The following CLSTN3 variants were observed in gnomAD, a reference collection of about 807,000 sequenced individuals.
The protein encoded by CLSTN3 is calsyntenin 3.
In CLSTN3, 36 loss-of-function variants were observed where a neutral mutation model predicts 95.9. The ratio of observed to expected loss-of-function variants is 0.38; its 90% confidence interval spans 0.29 to 0.50. CLSTN3 has a LOEUF of 0.50. CLSTN3 is among the 20% of genes least tolerant of loss of function. The pLI, the probability that CLSTN3 is intolerant of heterozygous loss-of-function variation, is 0.95. For synonymous variants in CLSTN3, 481 were observed against 504.0 expected, an observed-to-expected ratio of 0.95 and a Z score of 0.61; for missense variants, 1,084 against 1,268.8, an observed-to-expected ratio of 0.85 and a Z score of 2.21.
intron 3 of CLSTN3, 81 bp from the exon 4 acceptor site, chr12:7,135,246 C>T (rs1434950114): frequency 3.0e-6 from 4 of 1,335,298 alleles, no homozygotes; most frequent in Non-Finnish European, 4.3e-6. Context: ...CCTCGGTGTG[C>T]TGTATCAAGG....
intron 12 of CLSTN3, 64 bp downstream of exon 12, chr12:7,143,375 C>A: frequency 6.5e-7 from 1 of 1,543,906 alleles, no homozygotes; most frequent in Non-Finnish European, 8.8e-7. Flanking sequence ...AGCTCCTTGG[C>A]CTAAGGCGTC....
intron 4 of CLSTN3, 107 bp from the exon 5 acceptor site, chr12:7,135,697 T>TCCTGCTGCCTAACCTG (rs1939399291): frequency 7.0e-7 from 1 of 1,437,568 alleles, no homozygotes; most frequent in Non-Finnish European, 9.5e-7. Flanking sequence ...TTTCCCAGCG[T>TCCTGCTGCCTAACCTG]CCTGCTGCCT....
chr12:7,158,265 C>G lies in CLSTN3; in HGVS notation c.*184C>G. 3 of 646,890 alleles carry G rather than the reference C, an allele frequency of 4.6e-6. No homozygotes were observed. Among genetic ancestry groups the G allele is most frequent in the Non-Finnish European group, 7.5e-6 (3 of 397,792 alleles). 40.1% of individuals were successfully genotyped at this position (646,890 alleles called of 1,614,324 possible). On this transcript the variant is annotated 3_prime_UTR_variant, in exon 18 of 18. Coordinates refer to ENST00000266546, the MANE Select transcript of CLSTN3 (RefSeq NM_014718.4). ...GTCCGCCCTGCCCCTCCCCCGGCCC[C>G]CCATCCCTCACTTCTGGGCTGTCAT...
At chr12:7,156,292 G>T (rs1282733504) in intron 16 of CLSTN3, 10 of 456,906 alleles carry the variant, frequency 2.2e-5, no homozygotes, top group Admixed American at 1.9e-4. Context: ...TGCTGTCCCT[G>T]GGGCTGCGGG....
Position 7,149,213 on chromosome 12 carries a change from G to A in CLSTN3, c.2074+15G>A, listed in dbSNP as rs768696829. 4.7e-5 allele frequency: 75 copies of A among 1,604,050 alleles called. No individual in the cohort carries two copies. Among genetic ancestry groups the A allele is most frequent in the East Asian group, 1.6e-4 (7 of 44,744 alleles). Reference sequence around the variant, plus strand: ...GCAGGGCACAGGTAAGGACGACTTCGGGGAGTAACACCATCCAGAGAACCA... The same window carrying A: ...GCAGGGCACAGGTAAGGACGACTTCAGGGAGTAACACCATCCAGAGAACCA... On this transcript the variant is annotated intron_variant, in intron 13 of 17. Coordinates refer to ENST00000266546, the MANE Select transcript of CLSTN3 (RefSeq NM_014718.4). This position sits in a 1 kb window ranked among gnomAD's most constrained non-coding sequence, Gnocchi z 4.5.
In CLSTN3 at chr12:7,133,953, C is replaced by T. The variant is rs1350653586; in HGVS notation, c.383+185C>T. 2.4e-5 allele frequency: 13 copies of T among 547,108 alleles called. No individual in the cohort carries two copies. Among genetic ancestry groups the T allele is most frequent in the Admixed American group, 1.4e-4 (4 of 27,718 alleles). The allele number at this position is 547,108 out of a possible 1,614,324, so 33.9% of individuals were successfully genotyped here. On this transcript the variant is annotated intron_variant, in intron 3 of 17. Coordinates refer to ENST00000266546, the MANE Select transcript of CLSTN3 (RefSeq NM_014718.4). This position sits in a 1 kb window ranked among gnomAD's most constrained non-coding sequence, Gnocchi z 4.7. ...GGACTTTCAGGCAAGGTGACAGAAA[C>T]GTATAGTAGAGTTCAGTGGATCTAA...
At chr12:7,151,376 T>C (rs781228451) in intron 16 of CLSTN3, among the ~76,000 whole-genome samples, 15 of 152,194 alleles carry the variant, frequency 9.9e-5, no homozygotes, top group Admixed American at 9.8e-4. Context: ...CCAAGCAATA[T>C]CAAATTAGCC....
At chr12:7,145,457 C>G (rs1421043805) in intron 12 of CLSTN3, among the ~76,000 whole-genome samples, 1 of 152,040 alleles carries the variant, frequency 6.6e-6, no homozygotes, top group Non-Finnish European at 1.5e-5. Flanking sequence ...GCCCCTGTCC[C>G]TGTGGCTTTC....
At chr12:7,144,776 C>T (rs1453209123) in intron 12 of CLSTN3, among the ~76,000 whole-genome samples, 1 of 152,120 alleles carries the variant, frequency 6.6e-6, no homozygotes, top group Admixed American at 6.5e-5. Flanking sequence ...GGAGAGGGCT[C>T]TGAGCCCTAG....
At chr12:7,129,906 T>G, upstream of CLSTN3, 1 of 705,978 alleles carries the variant, frequency 1.4e-6, no homozygotes, top group Non-Finnish European at 1.7e-6. The surrounding 1 kb of genome is among the most constrained non-coding windows in gnomAD (Gnocchi z 5.5). Flanking sequence ...GACCGCCCTG[T>G]GGCTTCCTCG....
chr12:7,145,375 G>A (rs1939607235), intron 12 of CLSTN3, among the ~76,000 whole-genome samples: 1 of 151,642 alleles, frequency 6.6e-6, no homozygotes, highest in South Asian at 2.1e-4. Flanking sequence ...GTGTGTGCGC[G>A]CGCATTTGTG....
At chr12:7,129,643 T>G (rs1471762616), upstream of CLSTN3, 1 of 985,354 alleles carries the variant, frequency 1.0e-6, no homozygotes. The surrounding 1 kb of genome is among the most constrained non-coding windows in gnomAD (Gnocchi z 5.5). Context: ...GATGTATTTC[T>G]GTGAAGGTGG....
intron 12 of CLSTN3, among the ~76,000 whole-genome samples, chr12:7,147,259 G>A (rs1311030650): frequency 6.6e-6 from 1 of 151,658 alleles, no homozygotes; most frequent in African/African-American, 2.4e-5. Context: ...CTTGGGCGGT[G>A]TGTGGTGGCG....
Position 7,135,330 on chromosome 12 carries a change from C to A in CLSTN3, c.387C>A (p.Ala129=). Residue 129 remains alanine, a synonymous_variant, in exon 4 of 18, where the codon GCC becomes GCA. Transcript: ENST00000266546. ...TCCTTCTCTCTGGCATATGCAGGGC[C>A]ACTGTGCATGTGCGGGTCAACGATG... The part of the protein sequence containing the change: ...DGANTKKSHK[A]TVHVRVNDVN... 1 of 1,614,024 alleles carries A rather than the reference C, an allele frequency of 6.2e-7. No individual in the cohort carries two copies. The highest frequency in any genetic ancestry group is 8.5e-7 in the Non-Finnish European group (1 of 1,179,924).
In CLSTN3 at chr12:7,133,248, A is replaced by G. The variant is rs1280036950; in HGVS notation, c.187+102A>G. 1 of 1,464,100 alleles carries G rather than the reference A, an allele frequency of 6.8e-7. No individual in the cohort carries two copies. Among genetic ancestry groups the G allele is most frequent in the Non-Finnish European group, 9.3e-7 (1 of 1,071,802 alleles). 90.7% of individuals were successfully genotyped at this position (1,464,100 alleles called of 1,614,324 possible). A position where few individuals can be genotyped will look rare whatever the true frequency, so the allele number is the denominator to read the frequency against. ...GGGAAGGTCCTGGGAGTGATGAGAA[A>G]GTAAGGGAAGATAAAAGTGGGCTCA... On this transcript the variant is annotated intron_variant, in intron 2 of 17. Coordinates refer to ENST00000266546, the MANE Select transcript of CLSTN3 (RefSeq NM_014718.4). The surrounding 1 kb of genome is among the most constrained non-coding windows in gnomAD (Gnocchi z 4.7).
Position 7,143,288 on chromosome 12 carries a change from C to T in CLSTN3, c.1824C>T (p.Pro608=), listed in dbSNP as rs576176767. ...GCTTTGCCACGCCCGGCGTCAGGCCCCTGCGCCTCACCACTGCTGTCAAGT... is the reference window on the plus strand; with the variant it reads ...GCTTTGCCACGCCCGGCGTCAGGCCTCTGCGCCTCACCACTGCTGTCAAGT... ...TLRFATPGVR[P]LRLTTAVKCF... Residue 608 remains proline (P), a synonymous_variant, in exon 12 of 18, where the codon CCC becomes CCT. Coordinates refer to ENST00000266546, the MANE Select transcript of CLSTN3 (RefSeq NM_014718.4). The T allele has an allele frequency of 6.8e-6, 11 of 1,610,578 alleles. No individual in the cohort carries two copies. The highest frequency in any genetic ancestry group is 1.7e-5 in the Admixed American group (1 of 60,000).
chr12:7,135,972 GC>G lies in CLSTN3; in HGVS notation c.742+23del, dbSNP rs772679536. On this transcript the variant is annotated intron_variant, in intron 5 of 17. Coordinates refer to ENST00000266546, the MANE Select transcript of CLSTN3 (RefSeq NM_014718.4). ...TGGCAAGGTGAGAGCTCAGCGCTGT[GC>G]CCCATCTTGTGAATCATCTTTTTTC... The G allele has an allele frequency of 1.3e-6, 2 of 1,575,908 alleles. No homozygotes were observed. Among genetic ancestry groups the G allele is most frequent in the East Asian group, 4.5e-5 (2 of 44,594 alleles).
chr12:7,149,704 C>G lies in CLSTN3; in HGVS notation c.2245+11C>G, dbSNP rs770768584. The G allele has an allele frequency of 1.2e-6, 2 of 1,609,462 alleles. No individual in the cohort carries two copies. The highest frequency in any genetic ancestry group is 1.7e-4 in the Middle Eastern group (1 of 6,040). ...ACCTCACTATTGCTGGTCAGTGGGG[C>G]CTGAGGGCCTGTCCTCTGTGTGTGT... On this transcript the variant is annotated intron_variant, in intron 14 of 17. Transcript: ENST00000266546. This position sits in a 1 kb window ranked among gnomAD's most constrained non-coding sequence, Gnocchi z 4.5.
intron 8 of CLSTN3, among the ~76,000 whole-genome samples, chr12:7,139,252 T>G (rs906391711): frequency 7.9e-5 from 12 of 152,122 alleles, no homozygotes; most frequent in Non-Finnish European, 1.6e-4. Context: ...GGGCAGAGCA[T>G]GGCGGGAGGC....
Sources: gnomAD v4.1 joint callset for allele counts (sites outside exome capture counted in the v4.1 genomes callset) on GRCh38, gnomAD v4.1.1 for gene constraint, Gnocchi (gnomAD v3.1) non-coding constraint, MANE v1.5 for transcripts, NCBI Gene and HGNC (gene_info 2026-07-23, HGNC 2026-07-21) for gene names.